The following ARHGEF28 variants were observed in gnomAD, a reference collection of about 807,000 sequenced individuals.
The protein encoded by ARHGEF28 is Rho guanine nucleotide exchange factor 28, also known as 190 kDa guanine nucleotide exchange factor.
Under a neutral mutation model 206.6 loss-of-function variants are expected in ARHGEF28, and 152 were observed. The observed-to-expected ratio is 0.74, with a 90% CI of 0.64 to 0.84. The LOEUF is 0.84. Ranked by LOEUF, ARHGEF28 falls within the 40% of genes least tolerant of loss-of-function variation. The probability of loss-of-function intolerance (pLI) is 0.00; values close to 1 mark genes in which losing one functional copy is unlikely to be tolerated. For missense variants in ARHGEF28, 2,028 were observed against 2,073.2 expected, an observed-to-expected ratio of 0.98 and a Z score of 0.42; for synonymous variants, 763 against 776.4, an observed-to-expected ratio of 0.98 and a Z score of 0.29.
chr5:73,920,185 G>C (rs746433706), intron 35 of ARHGEF28, among the ~76,000 whole-genome samples: 2 of 152,104 alleles, frequency 1.3e-5, no homozygotes, highest in African/African-American at 2.4e-5. Context: ...GAGTGTCTCC[G>C]GCTAGCTAAC....
intron 9 of ARHGEF28, among the ~76,000 whole-genome samples, chr5:73,816,578 G>C (rs1411554806): frequency 6.6e-6 from 1 of 152,162 alleles, no homozygotes; most frequent in East Asian, 1.9e-4. Context: ...GCTTGTGGAG[G>C]GAGTGATGTG....
chr5:73,916,693 C>T (rs777181929), intron 35 of ARHGEF28, among the ~76,000 whole-genome samples: 2 of 152,048 alleles, frequency 1.3e-5, no homozygotes, highest in Non-Finnish European at 2.9e-5. Context: ...GGGTTAGGAC[C>T]TTAACATGTG....
intron 5 of ARHGEF28, among the ~76,000 whole-genome samples, chr5:73,774,345 T>C (rs1328853612): frequency 6.6e-6 from 1 of 152,192 alleles, no homozygotes; most frequent in Non-Finnish European, 1.5e-5. Flanking sequence ...TCTTTGATGA[T>C]TATGATTAAT....
Position 73,941,635 on chromosome 5 carries a change from G to C in ARHGEF28, c.*622G>C, listed in dbSNP as rs1346377735. ...AATGCTGGTGGGGTTTCAAGACATG[G>C]TTCAGCATCATCTTTTAACAAGGCC... On this transcript the variant is annotated 3_prime_UTR_variant, in exon 36 of 36. Coordinates refer to ENST00000513042, the MANE Select transcript of ARHGEF28 (RefSeq NM_001177693.2). 1 of 152,248 alleles carries C rather than the reference G, an allele frequency of 6.6e-6. No individual in the cohort carries two copies. Among genetic ancestry groups the C allele is most frequent in the Non-Finnish European group, 1.5e-5 (1 of 68,108 alleles). The allele number at this position is 152,248 out of a possible 1,614,324, so 9.4% of individuals were successfully genotyped here.
rs1252413667 is a variant in ARHGEF28 at position 73,833,020 on chromosome 5, A to G, written c.1146+561A>G. ...TGGAACTTTCCACCCAGTCCCTGAT[A>G]GAGACTTTTGAGTTAAATCTCACAG... is the stretch of plus-strand genomic sequence containing the variant. On this transcript the variant is annotated intron_variant, in intron 10 of 35. Transcript: ENST00000513042. Among the ~76,000 whole-genome samples the G allele has an allele frequency of 2.0e-5, 3 of 152,366 alleles. No homozygotes were observed. The East Asian group carries it at 5.8e-4, about 29-fold the overall frequency.
At chr5:73,738,392 G>T (rs1751147461) in intron 2 of ARHGEF28, among the ~76,000 whole-genome samples, 1 of 152,048 alleles carries the variant, frequency 6.6e-6, no homozygotes, top group African/African-American at 2.4e-5. Flanking sequence ...GTACATTTCT[G>T]AATCTCTACT....
At chr5:73,831,689 A>G (rs1407696498) in intron 9 of ARHGEF28, among the ~76,000 whole-genome samples, 1 of 152,158 alleles carries the variant, frequency 6.6e-6, no homozygotes, top group Non-Finnish European at 1.5e-5. Flanking sequence ...GGAAATGTAT[A>G]GTTTTTGTTT....
intron 2 of ARHGEF28, among the ~76,000 whole-genome samples, chr5:73,737,518 T>C (rs1244112395): frequency 7.5e-6 from 1 of 133,904 alleles, no homozygotes; most frequent in Admixed American, 7.9e-5. Context: ...TTTTCTTTTC[T>C]TTTCTTTTTT....
chr5:73,644,722 A>G (rs1421315578), intron 1 of ARHGEF28, among the ~76,000 whole-genome samples: 1 of 152,200 alleles, frequency 6.6e-6, no homozygotes. Context: ...AAACCTGGCT[A>G]GCTTCTGTTG....
intron 9 of ARHGEF28, among the ~76,000 whole-genome samples, chr5:73,805,700 T>C (rs1344595184): frequency 6.6e-6 from 1 of 152,138 alleles, no homozygotes; most frequent in Non-Finnish European, 1.5e-5. Flanking sequence ...GTTGTAGATA[T>C]CAGCATGCAC....
chr5:73,858,973 A>C (rs1406555719), intron 16 of ARHGEF28, among the ~76,000 whole-genome samples: 1 of 152,024 alleles, frequency 6.6e-6, no homozygotes, highest in Non-Finnish European at 1.5e-5. Context: ...CTCCTGCCTT[A>C]GGGCCTTCTC....
chr5:73,632,846 G>A (rs1389128246), intron 1 of ARHGEF28, among the ~76,000 whole-genome samples: 1 of 152,116 alleles, frequency 6.6e-6, no homozygotes, highest in African/African-American at 2.4e-5. Context: ...TCGTGTTGTA[G>A]AAGACAGTCT....
intron 31 of ARHGEF28, 192 bp from the exon 32 acceptor site, chr5:73,904,030 G>T: frequency 1.7e-6 from 1 of 584,888 alleles, no homozygotes; most frequent in South Asian, 2.5e-5. Flanking sequence ...CGTGAAGGAC[G>T]CTCTTGTTGT....
intron 11 of ARHGEF28, among the ~76,000 whole-genome samples, chr5:73,845,218 C>T (rs569263314): frequency 3.9e-5 from 6 of 152,038 alleles, no homozygotes; most frequent in South Asian, 2.1e-4. Flanking sequence ...GTAGTTTCAC[C>T]GTGTTAGCCA....
chr5:73,638,483 G>C (rs758344329), intron 1 of ARHGEF28, among the ~76,000 whole-genome samples: 1 of 152,176 alleles, frequency 6.6e-6, no homozygotes, highest in Non-Finnish European at 1.5e-5. Flanking sequence ...TGTTTGAGGA[G>C]AGGCCTCTAG....
At chr5:73,854,184 A>T (rs1758877085) in intron 14 of ARHGEF28, among the ~76,000 whole-genome samples, 1 of 152,166 alleles carries the variant, frequency 6.6e-6, no homozygotes, top group Admixed American at 6.5e-5. Context: ...TGGATATGCC[A>T]ATAAGATCCC....
At chr5:73,926,895 AGCTGAGGCT>A (rs1340458261) in intron 35 of ARHGEF28, among the ~76,000 whole-genome samples, 1 of 152,202 alleles carries the variant, frequency 6.6e-6, no homozygotes, top group African/African-American at 2.4e-5. Flanking sequence ...GTCTGATAGG[AGCTGAGGCT>A]GCTGGCCACT....
intron 35 of ARHGEF28, among the ~76,000 whole-genome samples, chr5:73,920,491 C>T (rs1763456295): frequency 6.6e-6 from 1 of 150,600 alleles, no homozygotes; most frequent in Non-Finnish European, 1.5e-5. Flanking sequence ...AGGTTTGTTG[C>T]ATAGGTATAC....
At chr5:73,911,105 G>C (rs1049825660) in intron 34 of ARHGEF28, among the ~76,000 whole-genome samples, 170 bp from the exon 35 acceptor site, 7 of 152,068 alleles carry the variant, frequency 4.6e-5, no homozygotes, top group African/African-American at 1.7e-4. Flanking sequence ...GAAGTTTTTG[G>C]TACTAGCTCA....
Sources: gnomAD v4.1 joint callset for allele counts (sites outside exome capture counted in the v4.1 genomes callset) on GRCh38, gnomAD v4.1.1 for gene constraint, MANE v1.5 for transcripts, NCBI Gene and HGNC (gene_info 2026-07-23, HGNC 2026-07-21) for gene names.